HSD17B4: variants seen among roughly 807,000 people sequenced by gnomAD.
HSD17B4 encodes the protein peroxisomal multifunctional enzyme type 2.
In HSD17B4, 70 loss-of-function variants were observed where a neutral mutation model predicts 101.0. The observed-to-expected ratio is 0.69, with a 90% CI of 0.57 to 0.85. HSD17B4 has a LOEUF of 0.85. Among genes scored for constraint, HSD17B4 ranks in the 40% least tolerant of loss-of-function variants. HSD17B4 has a pLI of 0.00. For synonymous variants in HSD17B4, 347 were observed against 297.1 expected (o/e 1.17, Z -1.73); for missense variants, 984 against 892.4 (o/e 1.10, Z -1.31).
At chr5:119,482,001 GA>G (rs985042513) in intron 8 of HSD17B4, among the ~76,000 whole-genome samples, 5 of 151,942 alleles carry the variant, frequency 3.3e-5, no homozygotes, top group African/African-American at 1.2e-4. Context: ...GGAGATTTTT[GA>G]TATTTATGCT....
At chr5:119,535,565 T>C (rs1448641698) in intron 22 of HSD17B4, among the ~76,000 whole-genome samples, 2 of 151,526 alleles carry the variant, frequency 1.3e-5, no homozygotes, top group Admixed American at 6.6e-5. Flanking sequence ...TTTATGAACT[T>C]TTGGCAGGAA....
At chr5:119,472,770 C>G (rs1005489378) in intron 2 of HSD17B4, among the ~76,000 whole-genome samples, 2 of 152,184 alleles carry the variant, frequency 1.3e-5, no homozygotes, top group African/African-American at 4.8e-5. Context: ...TGGTTATCAA[C>G]TCTCCATTTC....
chr5:119,520,194 T>A (rs150938), intron 17 of HSD17B4, among the ~76,000 whole-genome samples: 40,310 of 151,684 alleles, frequency 0.27, 6,703 homozygotes, highest in East Asian at 0.4. Flanking sequence ...TTTCCAAGAC[T>A]CTGGGTTGAC....
chr5:119,473,273 C>CTTTT (rs11408993), intron 2 of HSD17B4, among the ~76,000 whole-genome samples: 3 of 36,964 alleles, frequency 8.1e-5, no homozygotes, highest in African/African-American at 1.1e-4. Flanking sequence ...GTGGATGAAT[C>CTTTT]TTTTTTTTTT....
chr5:119,454,512 C>T (rs966969434), intron 1 of HSD17B4, among the ~76,000 whole-genome samples: 2 of 152,024 alleles, frequency 1.3e-5, no homozygotes, highest in African/African-American at 4.8e-5. Context: ...CGCTTTGTTG[C>T]CCAGGCTGGT....
Position 119,477,519 on chromosome 5 carries a change from T to G in HSD17B4, c.434+18T>G. 4 of 1,548,752 alleles carry G rather than the reference T, an allele frequency of 2.6e-6. No homozygotes were observed. Among genetic ancestry groups the G allele is most frequent in the Middle Eastern group, 1.7e-4 (1 of 5,914 alleles). ...TATGGAAGGTAGAGTTGCATGTGGT[T>G]GTCAAGGGGGATTTAAGATGTTGTG... On this transcript the variant is annotated intron_variant, in intron 7 of 23. Coordinates refer to ENST00000510025, the MANE Select transcript of HSD17B4 (RefSeq NM_000414.4).
At chr5:119,535,953 C>G (rs143318807) in intron 22 of HSD17B4, 1 of 189,622 alleles carries the variant, frequency 5.3e-6, no homozygotes, top group East Asian at 1.4e-4. Context: ...GTTACCTCAC[C>G]CCTCCCTCAT....
intron 13 of HSD17B4, among the ~76,000 whole-genome samples, chr5:119,500,442 A>G (rs771709994): frequency 2.0e-5 from 3 of 152,098 alleles, no homozygotes; most frequent in Non-Finnish European, 4.4e-5. Context: ...TACATATGGC[A>G]TTATGTATAA....
chr5:119,522,089 C>G lies in HSD17B4; in HGVS notation c.1504-3127C>G, dbSNP rs187811634. On this transcript the variant is annotated intron_variant, in intron 17 of 23. Transcript: ENST00000510025. The stretch of plus-strand genomic sequence containing the variant: ...CTCCTAATGATATCCCTCCCTCCTC[C>G]CCCACCCCACAACAGGCCCCGGTGT... 4.1e-3 allele frequency among the ~76,000 whole-genome samples: 617 copies of G among 152,090 alleles called. 3 individuals carry two copies. The highest frequency in any genetic ancestry group is 6.1e-3 in the Non-Finnish European group (417 of 67,962).
intron 1 of HSD17B4, among the ~76,000 whole-genome samples, chr5:119,455,908 A>C (rs1036467910): frequency 1.1e-4 from 16 of 152,252 alleles, no homozygotes; most frequent in African/African-American, 3.9e-4. Flanking sequence ...TGAATGAAGA[A>C]GTCGCTGCTA....
intron 1 of HSD17B4, among the ~76,000 whole-genome samples, chr5:119,455,473 T>C (rs32650): frequency 0.64 from 96,317 of 151,266 alleles, 31,369 homozygotes; most frequent in East Asian, 0.93. Flanking sequence ...GCCGAGATCA[T>C]GCCACTGCAC....
intron 2 of HSD17B4, among the ~76,000 whole-genome samples, chr5:119,463,000 C>T (rs1755418472): frequency 6.6e-6 from 1 of 152,124 alleles, no homozygotes; most frequent in South Asian, 2.1e-4. Flanking sequence ...TCTTCCTATT[C>T]CCCTCTTCCC....
At chr5:119,494,035 C>T (rs1750367105) in intron 11 of HSD17B4, 89 bp downstream of exon 11, 3 of 1,345,334 alleles carry the variant, frequency 2.2e-6, no homozygotes, top group Non-Finnish European at 3.2e-6. Flanking sequence ...TCTATGTTAA[C>T]TGTAGTGTTA....
At chr5:119,521,547 G>C (rs1336692100) in intron 17 of HSD17B4, among the ~76,000 whole-genome samples, 1 of 151,734 alleles carries the variant, frequency 6.6e-6, no homozygotes, top group Admixed American at 6.6e-5. Context: ...CTTTTCTTCT[G>C]TTCTTTTTTA....
intron 8 of HSD17B4, among the ~76,000 whole-genome samples, chr5:119,488,495 T>G (rs1749806988): frequency 6.6e-6 from 1 of 152,144 alleles, no homozygotes; most frequent in Non-Finnish European, 1.5e-5. Context: ...TTTATAATGT[T>G]CTCAACACAA....
chr5:119,499,467 C>G lies in HSD17B4; in HGVS notation c.1123C>G (p.Pro375Ala). The G allele has an allele frequency of 6.2e-7, 1 of 1,613,554 alleles. No homozygotes were observed. ...YEGSSDFSCL[P>A]TFGVIIGQKS... Reference sequence around the variant, plus strand: ...AGGAAGTTCTGATTTCTCCTGTTTGCCCACCTTCGGAGTTATCATAGGTCA... The same window carrying G: ...AGGAAGTTCTGATTTCTCCTGTTTGGCCACCTTCGGAGTTATCATAGGTCA... The change falls in exon 13 of 24, where the codon CCC (proline) becomes GCC (alanine). Residue 375 changes from proline (P) to alanine (A), a missense_variant. Transcript: ENST00000510025.
chr5:119,540,790 G>C (rs993033033), intron 23 of HSD17B4, among the ~76,000 whole-genome samples: 2 of 152,170 alleles, frequency 1.3e-5, no homozygotes, highest in African/African-American at 4.8e-5. Context: ...AAGCATTGCT[G>C]AGCAAAGAAC....
intron 12 of HSD17B4, among the ~76,000 whole-genome samples, chr5:119,497,242 G>A (rs1170265709): frequency 6.6e-6 from 1 of 152,144 alleles, no homozygotes; most frequent in Non-Finnish European, 1.5e-5. Context: ...AGCTGCCTGA[G>A]TGGTGCTTTA....
intron 7 of HSD17B4, 47 bp from the exon 8 acceptor site, chr5:119,478,787 A>G (rs753064337): frequency 1.3e-6 from 2 of 1,527,192 alleles, no homozygotes; most frequent in Non-Finnish European, 1.8e-6. Context: ...TTGCAATGTT[A>G]TCAAATTATG....
Sources: gnomAD v4.1 joint callset for allele counts (sites outside exome capture counted in the v4.1 genomes callset) on GRCh38, gnomAD v4.1.1 for gene constraint, MANE v1.5 for transcripts, NCBI Gene and HGNC (gene_info 2026-07-23, HGNC 2026-07-21) for gene names.